Variants in VPS26A observed in about 807,000 individuals in gnomAD.
The protein encoded by VPS26A is VPS26 retromer complex component A, also known as vacuolar protein sorting-associated protein 26A.
Under a neutral mutation model 42.4 loss-of-function variants are expected in VPS26A, and 22 were observed. The observed-to-expected ratio is 0.52, with a 90% confidence interval of 0.37 to 0.74. The LOEUF (loss-of-function observed/expected upper bound fraction) is 0.74, where lower values mean the gene tolerates loss of function less well. VPS26A is among the 30% of genes least tolerant of loss of function. The probability of loss-of-function intolerance (pLI) is 0.00; values close to 1 mark genes in which losing one functional copy is unlikely to be tolerated. For synonymous variants in VPS26A, 110 were observed against 123.5 expected (o/e 0.89, Z 0.73); for missense variants, 276 against 379.2 (o/e 0.73, Z 2.26).
chr10:69,166,075 C>T lies in VPS26A; in HGVS notation c.692C>T (p.Ala231Val). ...ACCACAACAGAAACAGAAACAATCG[C>T]CAAATATGAAATAATGGATGGTGCA... ...PSTTTETETIAKYEIMDGAPV... is the reference protein window; with the variant it reads ...PSTTTETETIVKYEIMDGAPV... The change falls in exon 7 of 9, where the codon GCC (alanine) becomes GTC (valine). Residue 231 changes from alanine to valine, a missense_variant. Transcript: ENST00000263559. The T allele has an allele frequency of 6.2e-7, 1 of 1,613,910 alleles. No homozygotes were observed. The highest frequency in any genetic ancestry group is 1.1e-5 in the South Asian group (1 of 91,056).
At chr10:69,151,451 CAAA>C (rs150296063) in intron 2 of VPS26A, among the ~76,000 whole-genome samples, 51,910 of 105,210 alleles carry the variant, frequency 0.49, 11,095 homozygotes, top group Middle Eastern at 0.65. Flanking sequence ...GACTCCGTCT[CAAA>C]AAAAAAAAAA....
At chr10:69,157,897 G>A in intron 4 of VPS26A, 150 bp from the exon 5 acceptor site, 2 of 578,708 alleles carry the variant, frequency 3.5e-6, no homozygotes, top group Non-Finnish European at 5.6e-6. Flanking sequence ...AAAGAAAATT[G>A]GAACTCCTTC....
rs1482238753 is a variant in VPS26A at position 69,162,492 on chromosome 10, A to G, written c.638A>G (p.Lys213Arg). ...KIQHMELQLI[K>R]KEITGIGPST... ...CAACATATGGAGTTACAGCTGATCA[A>G]AAAAGAGATCACAGGAATTGGTAAG... Residue 213 changes from lysine (K) to arginine (R), a missense_variant, in exon 6 of 9, where the codon AAA (lysine) becomes AGA (arginine). Transcript: ENST00000263559. 6.4e-7 allele frequency: 1 copy of G among 1,557,418 alleles called. No individual in the cohort carries two copies. The highest frequency in any genetic ancestry group is 8.8e-7 in the Non-Finnish European group (1 of 1,142,518).
At chr10:69,165,956 T>C (rs1408815840) in intron 6 of VPS26A, 86 bp from the exon 7 acceptor site, 2 of 1,316,444 alleles carry the variant, frequency 1.5e-6, no homozygotes, top group African/African-American at 1.5e-5. Context: ...TAAAAAAAAA[T>C]AATGTAGTGG....
At chr10:69,126,811 A>G (rs574092202) in intron 1 of VPS26A, among the ~76,000 whole-genome samples, 16 of 152,048 alleles carry the variant, frequency 1.1e-4, no homozygotes, top group Admixed American at 3.9e-4. Context: ...TTTGAAAGAG[A>G]GACTTTGGGT....
chr10:69,126,746 T>G (rs887738388), intron 1 of VPS26A, among the ~76,000 whole-genome samples: 1 of 152,188 alleles, frequency 6.6e-6, no homozygotes. Flanking sequence ...GAAAAAGAAT[T>G]TAATTTCATT....
At chr10:69,155,732 T>C in intron 2 of VPS26A, 80 bp from the exon 3 acceptor site, 1 of 987,008 alleles carries the variant, frequency 1.0e-6, no homozygotes, top group Non-Finnish European at 1.6e-6. Context: ...TATTTATATA[T>C]TGCATTCATC....
At chr10:69,139,662 A>G (rs181474368) in intron 2 of VPS26A, among the ~76,000 whole-genome samples, 27 of 152,200 alleles carry the variant, frequency 1.8e-4, no homozygotes, top group African/African-American at 6.5e-4. Flanking sequence ...TATTGTTAAC[A>G]GTTTTTTCAT....
intron 2 of VPS26A, among the ~76,000 whole-genome samples, chr10:69,139,467 C>T (rs1184259681): frequency 6.6e-6 from 1 of 152,024 alleles, no homozygotes; most frequent in Non-Finnish European, 1.5e-5. Flanking sequence ...CCATGTCTGG[C>T]TAGTTTTTAA....
At chr10:69,166,004 G>A (rs1297436576) in intron 6 of VPS26A, 38 bp from the exon 7 acceptor site, 3 of 1,564,986 alleles carry the variant, frequency 1.9e-6, no homozygotes, top group Non-Finnish European at 2.6e-6. Context: ...TTATATTCTG[G>A]AATATTTAAA....
intron 2 of VPS26A, among the ~76,000 whole-genome samples, chr10:69,135,461 T>A (rs1840885243): frequency 6.6e-6 from 1 of 152,132 alleles, no homozygotes; most frequent in South Asian, 2.1e-4. Flanking sequence ...TACATTTTGA[T>A]CCTGGGTGTG....
intron 2 of VPS26A, among the ~76,000 whole-genome samples, chr10:69,148,126 T>G (rs987202794): frequency 1.2e-4 from 19 of 152,208 alleles, no homozygotes; most frequent in Non-Finnish European, 2.9e-5. Flanking sequence ...TAAAAGAACC[T>G]CTTATTGTAT....
intron 2 of VPS26A, among the ~76,000 whole-genome samples, chr10:69,136,037 C>G (rs541753076): frequency 6.6e-6 from 1 of 152,242 alleles, no homozygotes; most frequent in African/African-American, 2.4e-5. Context: ...CCTCTTCATA[C>G]CTTTCTTTAA....
At chr10:69,160,231 C>A (rs546989684) in intron 5 of VPS26A, among the ~76,000 whole-genome samples, 1 of 152,150 alleles carries the variant, frequency 6.6e-6, no homozygotes, top group South Asian at 2.1e-4. Context: ...GTGATCTCGG[C>A]TCACTGCAAC....
intron 4 of VPS26A, 77 bp downstream of exon 4, chr10:69,157,240 C>G (rs897213662): frequency 4.8e-6 from 7 of 1,454,918 alleles, no homozygotes; most frequent in Non-Finnish European, 6.4e-6. Context: ...TTATTTGAAC[C>G]TCTAATTATA....
In VPS26A at chr10:69,132,912, C is replaced by G. The variant is rs1352763406; in HGVS notation, c.18C>G (p.Gly6=). Residue 6 remains glycine (G), a synonymous_variant, in exon 2 of 9, where the codon GGC becomes GGG. Coordinates refer to ENST00000263559, the MANE Select transcript of VPS26A (RefSeq NM_004896.5). The part of the protein sequence containing the change: MSFLG[G]FFGPICEIDI... ...TTTTATTTCAGAGTTTTCTTGGAGG[C>G]TTTTTTGGTCCAATTTGTGAGATCG... 9.5e-6 allele frequency: 15 copies of G among 1,584,422 alleles called. No individual in the cohort carries two copies. The highest frequency in any genetic ancestry group is 6.0e-5 in the Admixed American group (3 of 50,064).
intron 2 of VPS26A, among the ~76,000 whole-genome samples, chr10:69,142,947 G>A (rs781724617): frequency 1.1e-4 from 17 of 152,174 alleles, no homozygotes; most frequent in Non-Finnish European, 1.9e-4. Flanking sequence ...TTTAGTAATT[G>A]TGGAAAATGA....
chr10:69,126,492 G>A (rs997689835), intron 1 of VPS26A, among the ~76,000 whole-genome samples: 2 of 150,998 alleles, frequency 1.3e-5, no homozygotes, highest in East Asian at 1.9e-4. Context: ...AATTGAACCC[G>A]GGAGGCAGAG....
intron 2 of VPS26A, among the ~76,000 whole-genome samples, chr10:69,139,577 C>T (rs950677516): frequency 2.6e-5 from 4 of 152,186 alleles, no homozygotes; most frequent in Non-Finnish European, 5.9e-5. Flanking sequence ...GCTGGGATTA[C>T]AGATATGATC....
Sources: allele counts gnomAD v4.1 joint callset (sites outside exome capture counted in the v4.1 genomes callset), GRCh38; gene constraint gnomAD v4.1.1; transcripts MANE v1.5; gene names NCBI Gene and HGNC (gene_info 2026-07-23, HGNC 2026-07-21).